Variants in SEC63 observed in about 807,000 individuals in gnomAD.
The protein encoded by SEC63 is translocation protein SEC63 homolog.
A neutral mutation model predicts 116.2 loss-of-function variants in SEC63; 56 were observed. That is an observed-to-expected ratio of 0.48 (90% CI 0.39 to 0.60). The LOEUF (loss-of-function observed/expected upper bound fraction) is 0.60, where lower values mean the gene tolerates loss of function less well. Among genes scored for constraint, SEC63 ranks in the 20% least tolerant of loss-of-function variants. SEC63 has a pLI of 0.00. For missense variants in SEC63, 668 were observed against 900.0 expected, an observed-to-expected ratio of 0.74 and a Z score of 3.30; for synonymous variants, 273 against 294.6, an observed-to-expected ratio of 0.93 and a Z score of 0.75.
intron 1 of SEC63, among the ~76,000 whole-genome samples, chr6:107,934,288 C>G (rs1466473837): frequency 2.0e-5 from 3 of 151,550 alleles, no homozygotes; most frequent in African/African-American, 7.3e-5. Context: ...GCGTCTCTGC[C>G]CGGCCGCCAT....
intron 1 of SEC63, among the ~76,000 whole-genome samples, chr6:107,933,450 C>A (rs561600472): frequency 6.6e-6 from 1 of 152,244 alleles, no homozygotes; most frequent in African/African-American, 2.4e-5. Flanking sequence ...AAAAAGACAA[C>A]CTAAAATCAT....
At chr6:107,938,354 G>C (rs1250742652) in intron 1 of SEC63, among the ~76,000 whole-genome samples, 1 of 149,700 alleles carries the variant, frequency 6.7e-6, no homozygotes, top group Non-Finnish European at 1.5e-5. Flanking sequence ...AGGCTCAAGG[G>C]ATCCTCTCAC....
intron 4 of SEC63, among the ~76,000 whole-genome samples, chr6:107,915,174 G>A (rs1332955633): frequency 6.6e-6 from 1 of 152,136 alleles, no homozygotes; most frequent in Non-Finnish European, 1.5e-5. Context: ...GATGCTAACA[G>A]AATTTTTGAA....
chr6:107,951,927 C>T (rs942114799), intron 1 of SEC63, among the ~76,000 whole-genome samples: 3 of 149,516 alleles, frequency 2.0e-5, no homozygotes, highest in Non-Finnish European at 4.4e-5. Flanking sequence ...GAGCTGAGAC[C>T]GCGCCACTCC....
intron 1 of SEC63, among the ~76,000 whole-genome samples, 163 bp from the exon 2 acceptor site, chr6:107,929,677 A>C (rs1323861233): frequency 6.6e-6 from 1 of 152,206 alleles, no homozygotes; most frequent in African/African-American, 2.4e-5. Context: ...AGATAGGTTA[A>C]ATTGTCTGCC....
intron 1 of SEC63, among the ~76,000 whole-genome samples, chr6:107,945,553 C>T (rs1016425179): frequency 6.6e-6 from 1 of 151,974 alleles, no homozygotes; most frequent in Non-Finnish European, 1.5e-5. Flanking sequence ...ATCCACCCCC[C>T]TCGGCCTCCC....
chr6:107,892,417 G>C (rs1408711166), intron 16 of SEC63, among the ~76,000 whole-genome samples: 1 of 152,148 alleles, frequency 6.6e-6, no homozygotes, highest in African/African-American at 2.4e-5. Context: ...GTTAATTCAA[G>C]ATAGGTTTAT....
chr6:107,933,513 C>T (rs1035095649), intron 1 of SEC63, among the ~76,000 whole-genome samples: 5 of 152,130 alleles, frequency 3.3e-5, no homozygotes, highest in Non-Finnish European at 7.4e-5. Context: ...AAATTCCTGC[C>T]CAAGATACAC....
rs1168278611 is a variant in SEC63, at chr6:107,910,704, T to TAC, written c.624+640_624+641dup. ...CACATATACATATGTCATACATATATACATACACACATATGTATACATATG... is the reference window on the plus strand; with the variant it reads ...CACATATACATATGTCATACATATATACACATACACACATATGTATACATATG... On this transcript the variant is annotated intron_variant, in intron 7 of 20. Coordinates refer to ENST00000369002, the MANE Select transcript of SEC63 (RefSeq NM_007214.5). 4.6e-5 allele frequency among the ~76,000 whole-genome samples: 7 copies of TAC among 152,150 alleles called. No individual in the cohort carries two copies. In the South Asian group the frequency reaches 6.2e-4, roughly 13 times the overall value.
intron 1 of SEC63, among the ~76,000 whole-genome samples, chr6:107,932,554 ATAAGT>A (rs768323928): frequency 4.6e-5 from 7 of 152,180 alleles, no homozygotes; most frequent in Non-Finnish European, 8.8e-5. Flanking sequence ...AACTGACTGA[ATAAGT>A]TAATATATTA....
intron 1 of SEC63, among the ~76,000 whole-genome samples, chr6:107,935,985 G>A (rs574115901): frequency 6.6e-6 from 1 of 152,082 alleles, no homozygotes; most frequent in Non-Finnish European, 1.5e-5. Context: ...TACCACTAGT[G>A]ATTTTTAAAT....
intron 13 of SEC63, 23 bp downstream of exon 13, chr6:107,901,347 C>A: frequency 6.2e-7 from 1 of 1,609,766 alleles, no homozygotes. Context: ...AAGCAATGCT[C>A]AACAGAGAAA....
At chr6:107,924,320 T>C (rs1461071618) in intron 3 of SEC63, among the ~76,000 whole-genome samples, 4 of 150,338 alleles carry the variant, frequency 2.7e-5, no homozygotes, top group African/African-American at 9.8e-5. Context: ...GGCTCACGCC[T>C]GTAATCCTAG....
chr6:107,921,461 T>G (rs547519875), intron 4 of SEC63, among the ~76,000 whole-genome samples: 2 of 152,130 alleles, frequency 1.3e-5, no homozygotes, highest in East Asian at 3.9e-4. Context: ...TCCTTTTTTT[T>G]TTTTTCTTTA....
In SEC63 at chr6:107,867,803, T is replaced by A. The variant is rs1786030441; in HGVS notation, c.*3901A>T. ...TTTATAAATAATAGAAGTGTACAAT[T>A]GTACAATATATTATGTACATTATAA... On this transcript the variant is annotated 3_prime_UTR_variant, in exon 21 of 21. Coordinates refer to ENST00000369002, the MANE Select transcript of SEC63 (RefSeq NM_007214.5). 6.6e-6 allele frequency: 1 copy of A among 152,142 alleles called. No homozygotes were observed. Among genetic ancestry groups the A allele is most frequent in the African/African-American group, 2.4e-5 (1 of 41,394 alleles). 9.4% of individuals were successfully genotyped at this position (152,142 alleles called of 1,614,324 possible).
chr6:107,881,838 A>G (rs529189029), intron 17 of SEC63, among the ~76,000 whole-genome samples: 34 of 152,290 alleles, frequency 2.2e-4, no homozygotes, highest in Middle Eastern at 3.4e-3. Flanking sequence ...GCTGTTTCAC[A>G]TTTGGCTTTG....
chr6:107,915,070 C>T (rs1883391), intron 4 of SEC63, among the ~76,000 whole-genome samples: 148,774 of 152,304 alleles, frequency 0.98, 72,705 homozygotes, highest in African/African-American at 0.99. Context: ...TGTTACTTAG[C>T]ATTTCAGTAT....
intron 19 of SEC63, among the ~76,000 whole-genome samples, chr6:107,875,592 C>T (rs1237408482): frequency 3.3e-5 from 5 of 151,928 alleles, no homozygotes; most frequent in Non-Finnish European, 7.4e-5. Flanking sequence ...GTATGTAGTC[C>T]CAGCTATTTG....
chr6:107,941,223 TG>T (rs1770367570), intron 1 of SEC63, among the ~76,000 whole-genome samples: 1 of 152,118 alleles, frequency 6.6e-6, no homozygotes, highest in African/African-American at 2.4e-5. Flanking sequence ...AATAAGATTT[TG>T]GGTGTTAATA....
Sources: gnomAD v4.1 joint callset for allele counts (sites outside exome capture counted in the v4.1 genomes callset) on GRCh38, gnomAD v4.1.1 for gene constraint, MANE v1.5 for transcripts, NCBI Gene and HGNC (gene_info 2026-07-23, HGNC 2026-07-21) for gene names.